Variants in ABCB7 observed in about 807,000 individuals in gnomAD.
ABCB7 encodes ATP binding cassette subfamily B member 7.
A neutral mutation model predicts 54.4 loss-of-function variants in ABCB7; 7 were observed. That is an observed-to-expected ratio of 0.13 (90% CI 0.07 to 0.24). ABCB7 has a LOEUF of 0.24. Among genes scored for constraint, ABCB7 ranks in the 10% least tolerant of loss-of-function variants. The probability of loss-of-function intolerance (pLI) is 1.00; values close to 1 mark genes in which losing one functional copy is unlikely to be tolerated. For synonymous variants in ABCB7, 218 were observed against 207.1 expected (o/e 1.05, Z -0.45); for missense variants, 356 against 570.4 (o/e 0.62, Z 3.83).
intron 3 of ABCB7, among the ~76,000 whole-genome samples, chrX:75,106,290 C>T (rs920633867): frequency 9.0e-6 from 1 of 111,145 alleles, no homozygotes; most frequent in African/African-American, 3.3e-5. Context: ...CATCAAGAAG[C>T]GAGCTAAAGA....
At chrX:75,131,975 C>T (rs944040671) in intron 1 of ABCB7, among the ~76,000 whole-genome samples, 1 of 111,955 alleles carries the variant, frequency 8.9e-6, no homozygotes, top group African/African-American at 3.2e-5. Flanking sequence ...CTCCGTGACA[C>T]TGCAGCCACC....
At chrX:75,067,723 G>A (rs190936017) in intron 12 of ABCB7, among the ~76,000 whole-genome samples, 2 of 110,801 alleles carry the variant, frequency 1.8e-5, no homozygotes, top group African/African-American at 3.3e-5. Context: ...GACCTTAGGC[G>A]ATCTGCCTGC....
chrX:75,127,148 G>C (rs759657472), intron 1 of ABCB7, among the ~76,000 whole-genome samples: 1 of 111,200 alleles, frequency 9.0e-6, no homozygotes, highest in Non-Finnish European at 1.9e-5. Context: ...ACAAGGATGC[G>C]AAAATCCTCC....
chrX:75,058,520 G>A (rs974045818), intron 15 of ABCB7, among the ~76,000 whole-genome samples: 1 of 111,779 alleles, frequency 8.9e-6, no homozygotes, highest in African/African-American at 3.2e-5. Context: ...CACAGGAGGT[G>A]ACAGATTATT....
chrX:75,063,481 G>A (rs1361497445), intron 13 of ABCB7, among the ~76,000 whole-genome samples: 2 of 110,662 alleles, frequency 1.8e-5, no homozygotes, highest in Non-Finnish European at 3.8e-5. Flanking sequence ...CTATAAAGGG[G>A]TTCCTTATTT....
chrX:75,120,124 CTTTGT>C (rs1230065823), intron 1 of ABCB7, among the ~76,000 whole-genome samples: 2 of 111,735 alleles, frequency 1.8e-5, no homozygotes, highest in African/African-American at 6.5e-5. Context: ...GCTGCTGATC[CTTTGT>C]TTTATTTTTC....
At chrX:75,153,756 G>GTATATATATATATATATATA (rs10626282) in intron 1 of ABCB7, among the ~76,000 whole-genome samples, 12 of 91,864 alleles carry the variant, frequency 1.3e-4, no homozygotes, top group African/African-American at 3.9e-4. Context: ...GCGTGTGTGT[G>GTATATATATATATATATATA]TGTGTATATA....
At chrX:75,120,659 T>C (rs978130113) in intron 1 of ABCB7, among the ~76,000 whole-genome samples, 1 of 110,678 alleles carries the variant, frequency 9.0e-6, no homozygotes, top group Non-Finnish European at 1.9e-5. Context: ...CAGGACACAA[T>C]TGGAGAAACT....
rs1233887734 is a variant in ABCB7, at chrX:75,052,700, A to G, written c.*670T>C. The G allele has an allele frequency of 9.3e-6, 1 of 107,611 alleles. No individual in the cohort carries two copies. The highest frequency in any genetic ancestry group is 1.0e-4 in the Admixed American group (1 of 10,000). The allele number at this position is 107,611 out of a possible 1,213,427, so 8.9% of individuals were successfully genotyped here. ...AGGCCAAGGCATGATAATTGCTTGAACTCAGAAGACAGAGGTTGCAGAGAG... is the reference window on the plus strand; with the variant it reads ...AGGCCAAGGCATGATAATTGCTTGAGCTCAGAAGACAGAGGTTGCAGAGAG... On this transcript the variant is annotated 3_prime_UTR_variant, in exon 16 of 16. Coordinates refer to ENST00000373394, the MANE Select transcript of ABCB7 (RefSeq NM_001271696.3).
intron 3 of ABCB7, among the ~76,000 whole-genome samples, chrX:75,100,018 A>G (rs1302651099): frequency 9.0e-6 from 1 of 111,154 alleles, no homozygotes; most frequent in African/African-American, 3.3e-5. Flanking sequence ...TTTGCTATAT[A>G]TTACAAGCTT....
chrX:75,105,918 G>A (rs1434091792), intron 3 of ABCB7, among the ~76,000 whole-genome samples: 2 of 111,355 alleles, frequency 1.8e-5, no homozygotes, highest in Admixed American at 1.9e-4. Flanking sequence ...AATACTGCTG[G>A]GAAAATCAGA....
chrX:75,103,335 C>T lies in ABCB7; in HGVS notation c.334-4274G>A, dbSNP rs139638314. ...GGATTCAGTTTCATTCTTCTATATA[C>T]GGACTCCAATTTTGCCAGCACAATT... On this transcript the variant is annotated intron_variant, in intron 3 of 15. Coordinates refer to ENST00000373394, the MANE Select transcript of ABCB7 (RefSeq NM_001271696.3). Among the ~76,000 whole-genome samples the T allele has an allele frequency of 3.1e-3, 344 of 111,211 alleles. 1 individual carries two copies. The highest frequency in any genetic ancestry group is 0.01 in the African/African-American group (311 of 30,709).
intron 3 of ABCB7, among the ~76,000 whole-genome samples, chrX:75,112,005 T>C (rs1403210112): frequency 2.7e-5 from 3 of 112,091 alleles, no homozygotes; most frequent in African/African-American, 9.7e-5. Flanking sequence ...AAATCAGCTA[T>C]GAAGGATAAT....
chrX:75,067,972 A>T (rs1399523886), intron 12 of ABCB7, among the ~76,000 whole-genome samples: 1 of 111,743 alleles, frequency 8.9e-6, no homozygotes. Flanking sequence ...TTTATTTTTT[A>T]AATTTATAAA....
chrX:75,125,014 T>C (rs906040878), intron 1 of ABCB7, among the ~76,000 whole-genome samples: 70 of 112,205 alleles, frequency 6.2e-4, no homozygotes, highest in African/African-American at 2.2e-3. Context: ...TTCGATTCCA[T>C]AGCTGGACAA....
At chrX:75,073,561 T>G (rs2081382791) in intron 8 of ABCB7, 128 bp downstream of exon 8, 1 of 549,598 alleles carries the variant, frequency 1.8e-6, no homozygotes, top group African/African-American at 2.3e-5. Context: ...TAAAATAGTA[T>G]TATTCCATCA....
At chrX:75,127,057 A>AT (rs2081937660) in intron 1 of ABCB7, among the ~76,000 whole-genome samples, 1 of 111,766 alleles carries the variant, frequency 8.9e-6, no homozygotes, top group African/African-American at 3.3e-5. Flanking sequence ...AACTCATCTT[A>AT]TGTGGTTGGC....
Position 75,053,326 on chromosome X carries a change from A to G in ABCB7, c.*44T>C. The G allele has an allele frequency of 8.3e-7, 1 of 1,204,761 alleles. No individual in the cohort carries two copies. On this transcript the variant is annotated 3_prime_UTR_variant, in exon 16 of 16. Coordinates refer to ENST00000373394, the MANE Select transcript of ABCB7 (RefSeq NM_001271696.3). The stretch of plus-strand genomic sequence containing the variant: ...ATAAAACAATTCTGCTTCAGTGCAA[A>G]TATGTAGTCCAAAACAACAAAAAAA...
chrX:75,114,905 C>T, intron 1 of ABCB7, 74 bp from the exon 2 acceptor site: 1 of 852,656 alleles, frequency 1.2e-6, no homozygotes, highest in Non-Finnish European at 1.7e-6. Flanking sequence ...TTCCTTTGTT[C>T]ATAAACATAC....
Sources: allele counts gnomAD v4.1 joint callset (sites outside exome capture counted in the v4.1 genomes callset), GRCh38; gene constraint gnomAD v4.1.1; transcripts MANE v1.5; gene names NCBI Gene and HGNC (gene_info 2026-07-23, HGNC 2026-07-21).